CLTC: variants seen among roughly 807,000 people sequenced by gnomAD.
CLTC encodes clathrin heavy chain, also known as clathrin heavy chain 1.
CLTC carries 16 observed loss-of-function variants against 195.8 expected under a neutral mutation model. That is an observed-to-expected ratio of 0.08 (90% CI 0.06 to 0.12). The LOEUF is 0.12. Ranked by LOEUF, CLTC falls within the 10% of genes least tolerant of loss-of-function variation. The pLI is 1.00. For synonymous variants in CLTC, 667 were observed against 689.4 expected (o/e 0.97, Z 0.51); for missense variants, 796 against 2,027.0 (o/e 0.39, Z 11.66).
intron 1 of CLTC, among the ~76,000 whole-genome samples, chr17:59,634,395 C>T (rs2031806718): frequency 6.6e-6 from 1 of 152,156 alleles, no homozygotes; most frequent in African/African-American, 2.4e-5. Context: ...TTCCCTGCAG[C>T]TTGGTTAACA....
rs1251407888 is a variant in CLTC, at chr17:59,694,918, GTGCATTCC to G, written c.*1069_*1076del. 1 of 222,498 alleles carries G rather than the reference GTGCATTCC, an allele frequency of 4.5e-6. No homozygotes were observed. The highest frequency in any genetic ancestry group is 9.0e-6 in the Non-Finnish European group (1 of 111,166). 13.8% of individuals were successfully genotyped at this position (222,498 alleles called of 1,614,324 possible). A position where few individuals can be genotyped will look rare whatever the true frequency, so the allele number is the denominator to read the frequency against. ...TGAAGACATTGTGCATTATATCAAT[GTGCATTCC>G]TGTAGTTCATTAACAAGGTACATGC... On this transcript the variant is annotated 3_prime_UTR_variant, in exon 32 of 32. Transcript: ENST00000269122.
chr17:59,675,419 A>C (rs1437220870), intron 16 of CLTC, among the ~76,000 whole-genome samples: 1 of 152,164 alleles, frequency 6.6e-6, no homozygotes, highest in Non-Finnish European at 1.5e-5. Context: ...AGTGTTTAGG[A>C]AGTACTGATG....
rs2033432031 is a variant in CLTC, at chr17:59,696,578, G to C, written c.*2726G>C. On this transcript the variant is annotated 3_prime_UTR_variant, in exon 32 of 32. Transcript: ENST00000269122. ...GGAAGCTATGTGGCTTGGGGAGTTG[G>C]GACCCTCTGCCTCATATTCTGGGTA... 4.7e-6 allele frequency: 1 copy of C among 213,104 alleles called. No homozygotes were observed. The allele number at this position is 213,104 out of a possible 1,614,324, so 13.2% of individuals were successfully genotyped here. A position where few individuals can be genotyped will look rare whatever the true frequency, so the allele number is the denominator to read the frequency against.
In CLTC at chr17:59,674,684, C is replaced by T; in HGVS notation, c.2419-17C>T. The stretch of plus-strand genomic sequence containing the variant: ...TTAATAACATAATAACATTCTTCTA[C>T]TTCTTTTTAACCACAGGTGAATCCA... On this transcript the variant is annotated splice_polypyrimidine_tract_variant and intron_variant, in intron 15 of 31. Coordinates refer to ENST00000269122, the MANE Select transcript of CLTC (RefSeq NM_004859.4). 6.3e-7 allele frequency: 1 copy of T among 1,598,676 alleles called. No homozygotes were observed. Among genetic ancestry groups the T allele is most frequent in the East Asian group, 2.2e-5 (1 of 44,452 alleles).
intron 14 of CLTC, among the ~76,000 whole-genome samples, chr17:59,669,192 CTTTAT>C (rs1380074040): frequency 6.6e-6 from 1 of 151,900 alleles, no homozygotes; most frequent in Non-Finnish European, 1.5e-5. Flanking sequence ...AAGGAATTTC[CTTTAT>C]TTTAATTTTG....
intron 5 of CLTC, among the ~76,000 whole-genome samples, chr17:59,652,471 C>A (rs1249516287): frequency 6.6e-6 from 1 of 152,154 alleles, no homozygotes; most frequent in Admixed American, 6.6e-5. Flanking sequence ...ACTTGTAAGT[C>A]AAAATTACTT....
intron 17 of CLTC, 84 bp from the exon 18 acceptor site, chr17:59,679,313 T>A (rs977306298): frequency 1.7e-6 from 2 of 1,160,452 alleles, no homozygotes; most frequent in African/African-American, 3.1e-5. Context: ...TAAACATAGT[T>A]TAAAAGATAG....
chr17:59,656,154 T>C, intron 6 of CLTC, 127 bp downstream of exon 6: 1 of 829,122 alleles, frequency 1.2e-6, no homozygotes, highest in South Asian at 2.1e-5. Context: ...TGTTAGTTTT[T>C]TTCCAAAAAG....
At chr17:59,627,218 A>G (rs1197094413) in intron 1 of CLTC, among the ~76,000 whole-genome samples, 1 of 152,246 alleles carries the variant, frequency 6.6e-6, no homozygotes, top group Non-Finnish European at 1.5e-5. Flanking sequence ...TGAGGCAGTA[A>G]CTATTCAAAT....
chr17:59,636,932 C>CTTTT (rs771908096), intron 1 of CLTC, among the ~76,000 whole-genome samples: 2 of 103,664 alleles, frequency 1.9e-5, no homozygotes, highest in Admixed American at 1.0e-4. Flanking sequence ...CCGGCTAATT[C>CTTTT]TTTTTTTTTT....
chr17:59,677,285 G>A, intron 17 of CLTC, 97 bp downstream of exon 17: 1 of 883,442 alleles, frequency 1.1e-6, no homozygotes, highest in Non-Finnish European at 1.8e-6. Flanking sequence ...GGACATTTGG[G>A]GACGGTGGGT....
At chr17:59,693,564 C>T (rs1167557393) in intron 31 of CLTC, among the ~76,000 whole-genome samples, 164 bp from the exon 32 acceptor site, 1 of 152,094 alleles carries the variant, frequency 6.6e-6, no homozygotes, top group Non-Finnish European at 1.5e-5. Context: ...TAGAGTAAGA[C>T]TGTCATGCTA....
Position 59,639,897 on chromosome 17 carries a change from G to A in CLTC, c.43-4379G>A, listed in dbSNP as rs187477167. On this transcript the variant is annotated intron_variant, in intron 1 of 31. Coordinates refer to ENST00000269122, the MANE Select transcript of CLTC (RefSeq NM_004859.4). ...GAAGATCACTTGAGCCTGGGAGGTC[G>A]AGGCTGCAGTGGTACCACTGCACTC... is the stretch of plus-strand genomic sequence containing the variant. Among the ~76,000 whole-genome samples the A allele has an allele frequency of 6.1e-4, 92 of 151,854 alleles. 1 individual carries two copies. In the East Asian group the frequency reaches 0.015, roughly 25 times the overall value.
At chr17:59,624,106 CTTA>C (rs1164437709) in intron 1 of CLTC, among the ~76,000 whole-genome samples, 1 of 152,138 alleles carries the variant, frequency 6.6e-6, no homozygotes, top group Non-Finnish European at 1.5e-5. Context: ...TTCTTGAGAC[CTTA>C]TTATGTGCTG....
chr17:59,642,463 T>A (rs2032066231), intron 1 of CLTC, among the ~76,000 whole-genome samples: 1 of 152,150 alleles, frequency 6.6e-6, no homozygotes, highest in Non-Finnish European at 1.5e-5. Context: ...CTTTTAGGTA[T>A]ATAGCTCTAT....
intron 5 of CLTC, among the ~76,000 whole-genome samples, chr17:59,652,282 A>G (rs557890015): frequency 2.6e-5 from 4 of 152,062 alleles, no homozygotes; most frequent in Non-Finnish European, 5.9e-5. Context: ...CCTCCCATGA[A>G]TCATCAGTGT....
rs903853198 is a variant in CLTC, at chr17:59,660,375, A to G, written c.970-16A>G. On this transcript the variant is annotated splice_polypyrimidine_tract_variant and intron_variant, in intron 6 of 31. Coordinates refer to ENST00000269122, the MANE Select transcript of CLTC (RefSeq NM_004859.4). ...AATGAACACATTGCAGCTACATTTT[A>G]TTCTTTAAATTGCAGGTTCTGTCAG... 8.1e-6 allele frequency: 13 copies of G among 1,609,396 alleles called. No homozygotes were observed. Among genetic ancestry groups the G allele is most frequent in the Middle Eastern group, 3.3e-4 (2 of 6,078 alleles).
At position 59,685,540 on chromosome 17, in the gene CLTC, A is replaced by C. The variant is rs777895254; in HGVS notation, c.4606-47A>C. 15 of 1,462,392 alleles carry C rather than the reference A, an allele frequency of 1.0e-5. No homozygotes were observed. The Admixed American group carries it at 1.4e-4, about 14-fold the overall frequency. 90.6% of individuals were successfully genotyped at this position (1,462,392 alleles called of 1,614,324 possible). ...ATTGTTTTTCTTGGTTTACTAGTTC[A>C]GTATGTGGGGTCTAATGTTTTTGAC... is the stretch of plus-strand genomic sequence containing the variant. On this transcript the variant is annotated intron_variant, in intron 29 of 31. Transcript: ENST00000269122. This position sits in a 1 kb window ranked among gnomAD's most constrained non-coding sequence, Gnocchi z 5.0.
In CLTC at chr17:59,681,643, T is replaced by A. The variant is rs2033083650; in HGVS notation, c.3250-4T>A. The A allele has an allele frequency of 6.2e-7, 1 of 1,606,536 alleles. No individual in the cohort carries two copies. Among genetic ancestry groups the A allele is most frequent in the Non-Finnish European group, 8.5e-7 (1 of 1,175,082 alleles). On this transcript the variant is annotated splice_polypyrimidine_tract_variant and splice_region_variant and intron_variant, in intron 20 of 31. Coordinates refer to ENST00000269122, the MANE Select transcript of CLTC (RefSeq NM_004859.4). This position sits in a 1 kb window ranked among gnomAD's most constrained non-coding sequence, Gnocchi z 5.0. ...TAACCCTAATTTCAAACTTGGATAC[T>A]TAGGTCTTAATTGAGCATATTGGAA...
Sources: gnomAD v4.1 joint callset for allele counts (sites outside exome capture counted in the v4.1 genomes callset) on GRCh38, gnomAD v4.1.1 for gene constraint, Gnocchi (gnomAD v3.1) non-coding constraint, MANE v1.5 for transcripts, NCBI Gene and HGNC (gene_info 2026-07-23, HGNC 2026-07-21) for gene names.